Variants in MRAP2 observed in about 807,000 individuals in gnomAD.
MRAP2 encodes melanocortin 2 receptor accessory protein 2, also known as melanocortin-2 receptor accessory protein 2.
A neutral mutation model predicts 17.4 loss-of-function variants in MRAP2; 20 were observed. That is an observed-to-expected ratio of 1.15 (90% CI 0.81 to 1.67). The LOEUF is 1.67. MRAP2 is among the 40% of genes most tolerant of loss of function. The pLI is 0.00. For synonymous variants in MRAP2, 96 were observed against 88.4 expected (o/e 1.09, Z -0.48); for missense variants, 238 against 240.0 (o/e 0.99, Z 0.05).
At position 84,076,909 on chromosome 6, in the gene MRAP2, C is replaced by T. The variant is rs370662389; in HGVS notation, c.228-12182C>T. Among the ~76,000 whole-genome samples, 214 of 152,286 alleles carry T rather than the reference C, an allele frequency of 1.4e-3. 1 individual carries two copies. Among genetic ancestry groups the T allele is most frequent in the African/African-American group, 5.0e-3 (209 of 41,552 alleles). On this transcript the variant is annotated intron_variant, in intron 3 of 3. Coordinates refer to ENST00000257776, the MANE Select transcript of MRAP2 (RefSeq NM_138409.4). Reference sequence around the variant, plus strand: ...CAAATGGAAGTGGAAGGAGTCTATCCTTCTGTCTTGATTTGTCTTCAGGGT... The same window carrying T: ...CAAATGGAAGTGGAAGGAGTCTATCTTTCTGTCTTGATTTGTCTTCAGGGT...
At chr6:84,065,863 ACCT>A (rs2099494554) in intron 3 of MRAP2, among the ~76,000 whole-genome samples, 1 of 151,698 alleles carries the variant, frequency 6.6e-6, no homozygotes. Flanking sequence ...ACAAAGACTG[ACCT>A]CCTCAAGCCA....
At chr6:84,037,861 G>A in intron 1 of MRAP2, among the ~76,000 whole-genome samples, 1 of 152,148 alleles carries the variant, frequency 6.6e-6, no homozygotes, top group East Asian at 1.9e-4. Context: ...GCCAGCTCCA[G>A]CCTCGGCCAG....
chr6:84,121,477 C>G, the MRAP2 span, among the ~76,000 whole-genome samples: 2 of 152,162 alleles, frequency 1.3e-5, no homozygotes, highest in Non-Finnish European at 2.9e-5. Context: ...AACCCCATCT[C>G]TACTAAAAAT....
At chr6:84,116,750 T>G in the MRAP2 span, among the ~76,000 whole-genome samples, 1 of 152,206 alleles carries the variant, frequency 6.6e-6, no homozygotes, top group African/African-American at 2.4e-5. Flanking sequence ...AATAATCATG[T>G]GATTTTTGTG....
At chr6:84,106,274 A>G in the MRAP2 span, among the ~76,000 whole-genome samples, 1 of 152,216 alleles carries the variant, frequency 6.6e-6, no homozygotes, top group Non-Finnish European at 1.5e-5. Flanking sequence ...ACTGTGGATA[A>G]GGCATTCTAT....
chr6:84,109,944 T>C, the MRAP2 span, among the ~76,000 whole-genome samples: 1 of 152,222 alleles, frequency 6.6e-6, no homozygotes, highest in Admixed American at 6.5e-5. Context: ...TCGTTTTTTA[T>C]GGCTGCATAG....
chr6:84,124,605 T>C, the MRAP2 span: 41 of 180,354 alleles, frequency 2.3e-4, no homozygotes, highest in Admixed American at 1.1e-3. Flanking sequence ...GCAGTAAGCG[T>C]TGAAAAATTA....
intron 2 of MRAP2, 114 bp downstream of exon 2, chr6:84,055,559 T>G (rs1244533396): frequency 2.9e-6 from 3 of 1,042,196 alleles, no homozygotes; most frequent in Non-Finnish European, 4.2e-6. Flanking sequence ...CTCTCTGTCC[T>G]CTACCTCCCA....
At chr6:84,130,216 C>A in the MRAP2 span, among the ~76,000 whole-genome samples, 168 of 152,298 alleles carry the variant, frequency 1.1e-3, no homozygotes, top group Middle Eastern at 0.017. Flanking sequence ...CTGACTTGAT[C>A]ATGGTGGATA....
chr6:84,099,619 C>T, the MRAP2 span, among the ~76,000 whole-genome samples: 2 of 152,084 alleles, frequency 1.3e-5, no homozygotes, highest in African/African-American at 4.8e-5. Context: ...TCCTCCTCTC[C>T]TTCTTGCTCC....
intron 1 of MRAP2, among the ~76,000 whole-genome samples, chr6:84,036,486 C>T (rs537939427): frequency 6.6e-5 from 10 of 152,164 alleles, no homozygotes; most frequent in African/African-American, 2.2e-4. Flanking sequence ...TTCTGATGTT[C>T]GGACGTGTTT....
chr6:84,063,423 A>ATGAAATTGGGTTTCTTGGTCCTTTCC, intron 3 of MRAP2: 2 of 984,848 alleles, frequency 2.0e-6, no homozygotes, highest in East Asian at 2.3e-4. Context: ...TTGTTCCTGG[A>ATGAAATTGGGTTTCTTGGTCCTTTCC]TACTCAACTC....
At chr6:84,063,068 G>C (rs1233232965) in intron 3 of MRAP2, 76 bp downstream of exon 3, 5 of 1,595,954 alleles carry the variant, frequency 3.1e-6, no homozygotes, top group Admixed American at 1.7e-5. Flanking sequence ...ACCCAGGGCC[G>C]GAGGTGCTTC....
the MRAP2 span, among the ~76,000 whole-genome samples, chr6:84,117,418 AT>A: frequency 6.7e-6 from 1 of 150,076 alleles, no homozygotes; most frequent in African/African-American, 2.5e-5. Flanking sequence ...CTCCTTTTTG[AT>A]TTTTTTCTGA....
intron 3 of MRAP2, among the ~76,000 whole-genome samples, chr6:84,086,870 G>T (rs1210843274): frequency 6.6e-6 from 1 of 152,196 alleles, no homozygotes; most frequent in African/African-American, 2.4e-5. Context: ...AGGAAACATA[G>T]CTGTGTTATG....
At chr6:84,118,705 A>T in the MRAP2 span, among the ~76,000 whole-genome samples, 5 of 148,738 alleles carry the variant, frequency 3.4e-5, no homozygotes, top group African/African-American at 1.3e-4. Context: ...GGCTGGCTGG[A>T]GTTCCAAGCC....
chr6:84,058,958 A>G (rs1348955138), intron 2 of MRAP2, among the ~76,000 whole-genome samples: 1 of 152,172 alleles, frequency 6.6e-6, no homozygotes, highest in African/African-American at 2.4e-5. Context: ...TTCAAGAAAA[A>G]ATGAGAGGAG....
In MRAP2 at chr6:84,064,730, G is replaced by A. The variant is rs190132324; in HGVS notation, c.227+1738G>A. Reference sequence around the variant, plus strand: ...TCTCGATCTGCTGACTTCGTGATCCGCCCGCCTTGGCCTCCCAAAGTGCTG... The same window carrying A: ...TCTCGATCTGCTGACTTCGTGATCCACCCGCCTTGGCCTCCCAAAGTGCTG... On this transcript the variant is annotated intron_variant, in intron 3 of 3. Transcript: ENST00000257776. 2.8e-3 allele frequency among the ~76,000 whole-genome samples: 424 copies of A among 152,214 alleles called. 1 individual carries two copies. Among genetic ancestry groups the A allele is most frequent in the South Asian group, 0.012 (57 of 4,814 alleles).
At chr6:84,145,892 TAC>T in the MRAP2 span, among the ~76,000 whole-genome samples, 1 of 152,106 alleles carries the variant, frequency 6.6e-6, no homozygotes, top group African/African-American at 2.4e-5. Flanking sequence ...GAAATTAGTA[TAC>T]AGACTACTCC....
Sources: allele counts gnomAD v4.1 joint callset (sites outside exome capture counted in the v4.1 genomes callset), GRCh38; gene constraint gnomAD v4.1.1; transcripts MANE v1.5; gene names NCBI Gene and HGNC (gene_info 2026-07-23, HGNC 2026-07-21).